Variants in THTPA observed in about 807,000 individuals in gnomAD.
THTPA encodes the protein thiamine triphosphatase.
Under a neutral mutation model 16.5 loss-of-function variants are expected in THTPA, and 16 were observed. That is an observed-to-expected ratio of 0.97 (90% CI 0.66 to 1.47). The LOEUF (loss-of-function observed/expected upper bound fraction) is 1.47, where lower values mean the gene tolerates loss of function less well. Among genes scored for constraint, THTPA ranks in the 40% most tolerant of loss-of-function variants. THTPA has a pLI of 0.00. For synonymous variants in THTPA, 110 were observed against 115.5 expected (o/e 0.95, Z 0.30); for missense variants, 281 against 280.9 (o/e 1.00, Z 0.00).
the THTPA span, chr14:23,522,211 C>G: frequency 4.1e-6 from 6 of 1,480,264 alleles, no homozygotes; most frequent in Non-Finnish European, 5.4e-6. Flanking sequence ...TGCAGATGGG[C>G]ACCCGCAATG....
the THTPA span, among the ~76,000 whole-genome samples, chr14:23,549,757 T>C: frequency 6.6e-6 from 1 of 152,208 alleles, no homozygotes; most frequent in African/African-American, 2.4e-5. Flanking sequence ...GGAGGGGTTA[T>C]ATGCCCCTGG....
chr14:23,519,857 A>G, the THTPA span, among the ~76,000 whole-genome samples: 2 of 152,188 alleles, frequency 1.3e-5, no homozygotes, highest in Non-Finnish European at 1.5e-5. Flanking sequence ...GTATGAGAAT[A>G]TGAAATGGAT....
the THTPA span, among the ~76,000 whole-genome samples, chr14:23,550,653 T>C: frequency 6.6e-6 from 1 of 151,940 alleles, no homozygotes; most frequent in Admixed American, 6.6e-5. Flanking sequence ...ATAGGGCTGC[T>C]CAGAGGGGCA....
the THTPA span, chr14:23,529,758 C>T: frequency 1.3e-6 from 2 of 1,536,290 alleles, no homozygotes; most frequent in Non-Finnish European, 1.7e-6. Context: ...TGTTTTCTGT[C>T]TCTTCTGAAG....
the THTPA span, among the ~76,000 whole-genome samples, chr14:23,539,197 A>G: frequency 0.17 from 25,439 of 152,200 alleles, 2,431 homozygotes; most frequent in Admixed American, 0.28. Context: ...GTGGAGAAAT[A>G]GAAGACATTT....
At chr14:23,539,245 C>G in the THTPA span, among the ~76,000 whole-genome samples, 2 of 152,270 alleles carry the variant, frequency 1.3e-5, no homozygotes, top group East Asian at 3.9e-4. Flanking sequence ...TGTCCAGACC[C>G]AGGTCTCTGT....
chr14:23,524,784 C>T, the THTPA span: 3 of 1,536,682 alleles, frequency 2.0e-6, no homozygotes, highest in Non-Finnish European at 2.6e-6. The surrounding 1 kb of genome is among the most constrained non-coding windows in gnomAD (Gnocchi z 5.6). Context: ...TGTTCCTCCT[C>T]TACTTCTTCT....
Position 23,557,105 on chromosome 14 carries a change from G to C in THTPA, c.348G>C (p.Gln116His), listed in dbSNP as rs945711805. Residue 116 changes from glutamine (Q) to histidine (H), a missense_variant, in exon 1 of 2, where the codon CAG (glutamine) becomes CAC (histidine). Coordinates refer to ENST00000288014, the MANE Select transcript of THTPA (RefSeq NM_024328.6). Reference sequence around the variant, plus strand: ...CTGTGCTGGGCCCACTGGGGCTGCAGGAAGTAGCTAGTTTTGTGACTAAGC... The same window carrying C: ...CTGTGCTGGGCCCACTGGGGCTGCACGAAGTAGCTAGTTTTGTGACTAAGC... ...VAAVLGPLGL[Q>H]EVASFVTKRS... is the part of the protein sequence containing the mutation. 1 of 1,614,220 alleles carries C rather than the reference G, an allele frequency of 6.2e-7. No individual in the cohort carries two copies.
chr14:23,512,742 A>G, the THTPA span: 1 of 149,998 alleles, frequency 6.7e-6, no homozygotes, highest in Admixed American at 6.7e-5. Flanking sequence ...ATATATATGC[A>G]TATATATGTA....
the THTPA span, chr14:23,524,885 A>G: frequency 1.3e-6 from 2 of 1,536,302 alleles, no homozygotes; most frequent in South Asian, 2.4e-5. The surrounding 1 kb of genome is among the most constrained non-coding windows in gnomAD (Gnocchi z 5.6). Flanking sequence ...GAGGTGGCGC[A>G]CCAACTCAAA....
At chr14:23,533,297 A>T in the THTPA span, 1 of 1,436,636 alleles carries the variant, frequency 7.0e-7, no homozygotes, top group Non-Finnish European at 9.1e-7. The surrounding 1 kb of genome is among the most constrained non-coding windows in gnomAD (Gnocchi z 4.8). Flanking sequence ...GATGTGGGGA[A>T]CTTGCGGGCA....
the THTPA span, chr14:23,525,555 G>T: frequency 2.6e-6 from 4 of 1,535,150 alleles, no homozygotes; most frequent in Non-Finnish European, 3.5e-6. The surrounding 1 kb of genome is among the most constrained non-coding windows in gnomAD (Gnocchi z 5.9). Flanking sequence ...GGGGGAGGGG[G>T]CACAGCTTGC....
the THTPA span, chr14:23,531,827 G>T: frequency 2.3e-5 from 28 of 1,243,042 alleles, no homozygotes; most frequent in Non-Finnish European, 2.7e-5. Context: ...GCCCAGGCTG[G>T]AGTGCAGTGG....
chr14:23,527,014 C>CA, the THTPA span: 2 of 1,468,660 alleles, frequency 1.4e-6, no homozygotes, highest in African/African-American at 2.8e-5. Context: ...CACCACCCCC[C>CA]ACTGCCCCTA....
At chr14:23,535,558 CTCT>C in the THTPA span, among the ~76,000 whole-genome samples, 1 of 151,792 alleles carries the variant, frequency 6.6e-6, no homozygotes, top group Non-Finnish European at 1.5e-5. This position sits in a 1 kb window ranked among gnomAD's most constrained non-coding sequence, Gnocchi z 4.5. Context: ...AACATCAGAA[CTCT>C]TCATTTTATT....
chr14:23,534,170 A>C, the THTPA span: 1 of 1,474,098 alleles, frequency 6.8e-7, no homozygotes, highest in Non-Finnish European at 9.0e-7. This position sits in a 1 kb window ranked among gnomAD's most constrained non-coding sequence, Gnocchi z 4.5. Context: ...AGTGGGGGGC[A>C]GAGCCCTCCA....
the THTPA span, chr14:23,543,088 C>G: frequency 6.6e-6 from 1 of 152,200 alleles, no homozygotes; most frequent in Non-Finnish European, 1.5e-5. Context: ...ATTCTGTGAA[C>G]CTGTGTGATG....
rs1425535824 is a variant in THTPA at position 23,556,804 on chromosome 14, C to T, written c.47C>T (p.Pro16Leu). 4 of 1,613,732 alleles carry T rather than the reference C, an allele frequency of 2.5e-6. No individual in the cohort carries two copies. Among genetic ancestry groups the T allele is most frequent in the Non-Finnish European group, 3.4e-6 (4 of 1,179,820 alleles). Residue 16 changes from proline to leucine, a missense_variant, in exon 1 of 2, where the codon CCT (proline) becomes CTT (leucine). Physicochemically the swap from Pro to Leu is moderately conservative, Grantham distance 98. Coordinates refer to ENST00000288014, the MANE Select transcript of THTPA (RefSeq NM_024328.6). ...IEVERKFLPG[P>L]GTEERLQELG... is the part of the protein sequence containing the mutation. ...GTGGAGCGAAAGTTCCTTCCAGGGC[C>T]TGGCACAGAGGAGCGGCTGCAGGAG...
chr14:23,534,793 A>C, the THTPA span: 2 of 1,536,106 alleles, frequency 1.3e-6, no homozygotes, highest in Non-Finnish European at 1.7e-6. The surrounding 1 kb of genome is among the most constrained non-coding windows in gnomAD (Gnocchi z 4.5). Flanking sequence ...AAAGCCTTGG[A>C]TTGGGTCAAA....
Sources: allele counts gnomAD v4.1 joint callset (sites outside exome capture counted in the v4.1 genomes callset), GRCh38; gene constraint gnomAD v4.1.1; non-coding constraint Gnocchi (gnomAD v3.1); transcripts MANE v1.5; gene names NCBI Gene and HGNC (gene_info 2026-07-23, HGNC 2026-07-21).